IL7: variants seen among roughly 807,000 people sequenced by gnomAD.
The protein encoded by IL7 is interleukin-7.
IL7 carries 3 observed loss-of-function variants against 21.6 expected under a neutral mutation model. The ratio of observed to expected loss-of-function variants is 0.14; its 90% confidence interval spans 0.06 to 0.36. The LOEUF is 0.36. IL7 is among the 10% of genes least tolerant of loss of function. The pLI is 1.00. For synonymous variants in IL7, 62 were observed against 68.1 expected, an observed-to-expected ratio of 0.91 and a Z score of 0.44; for missense variants, 175 against 200.2, an observed-to-expected ratio of 0.87 and a Z score of 0.76.
chr8:78,772,824 C>T (rs1164760007), intron 2 of IL7, among the ~76,000 whole-genome samples: 1 of 151,988 alleles, frequency 6.6e-6, no homozygotes, highest in Non-Finnish European at 1.5e-5. Context: ...CAGTGAGTGT[C>T]GATGGTCATA....
intron 2 of IL7, chr8:78,746,918 G>A (rs1811997254): frequency 2.5e-6 from 1 of 392,830 alleles, no homozygotes; most frequent in Admixed American, 3.1e-5. Flanking sequence ...CTTTGTGATA[G>A]GACAGTTTTC....
intron 3 of IL7, among the ~76,000 whole-genome samples, chr8:78,725,969 T>G (rs957650129): frequency 4.6e-5 from 7 of 150,546 alleles, no homozygotes; most frequent in East Asian, 1.9e-4. Context: ...CAAAAATCTG[T>G]TTTTTTTTAA....
At chr8:78,752,091 G>C (rs963900992) in intron 2 of IL7, among the ~76,000 whole-genome samples, 2 of 152,170 alleles carry the variant, frequency 1.3e-5, no homozygotes, top group African/African-American at 4.8e-5. Context: ...GTTGCTGTGA[G>C]TGACAGGATT....
intron 2 of IL7, chr8:78,761,109 G>A: frequency 6.3e-7 from 1 of 1,593,834 alleles, no homozygotes; most frequent in Non-Finnish European, 8.5e-7. Flanking sequence ...GCTTGCAGGA[G>A]TTCCACTAAA....
At chr8:78,767,901 C>T (rs1204512595) in intron 2 of IL7, among the ~76,000 whole-genome samples, 1 of 152,070 alleles carries the variant, frequency 6.6e-6, no homozygotes, top group Non-Finnish European at 1.5e-5. Context: ...TGGTATATCT[C>T]CTAAAGCTAT....
At chr8:78,716,874 T>A (rs1811123839), downstream of IL7, among the ~76,000 whole-genome samples, 1 of 152,124 alleles carries the variant, frequency 6.6e-6, no homozygotes, top group African/African-American at 2.4e-5. Flanking sequence ...TTTAAAACTG[T>A]ATAGTACCTG....
chr8:78,687,814 AATATATATATTCATGTAATAAATT>A lies in IL7; in HGVS notation n.215-1891_215-1868del, dbSNP rs1563627068. Among the ~76,000 whole-genome samples, 4 of 132,348 alleles carry A rather than the reference AATATATATATTCATGTAATAAATT, an allele frequency of 3.0e-5. No individual in the cohort carries two copies. The East Asian group carries it at 8.3e-4, about 27-fold the overall frequency. The allele number at this position is 132,348 out of a possible 152,430, so 86.8% of individuals were successfully genotyped here. A position where few individuals can be genotyped will look rare whatever the true frequency, so the allele number is the denominator to read the frequency against. On this transcript the variant is annotated intron_variant and non_coding_transcript_variant, in intron 3 of 4. Coordinates refer to the IL7 transcript ENST00000523959. ...ATACATTATATATATTCATGTAATA[AATATATATATTCATGTAATAAATT>A]ATATATATATTTATATAATATATAT...
chr8:78,720,961 G>C (rs1329432994), intron 5 of IL7: 1 of 151,784 alleles, frequency 6.6e-6, no homozygotes, highest in East Asian at 1.9e-4. Context: ...TTAAATAGGA[G>C]CTAATAAGTG....
chr8:78,760,887 A>T, intron 2 of IL7: 1 of 1,560,098 alleles, frequency 6.4e-7, no homozygotes, highest in Non-Finnish European at 8.7e-7. Context: ...ACTGCAGTCA[A>T]GCTACCGGCT....
rs564621927 is a variant in IL7 at position 78,753,317 on chromosome 8, A to G, written c.148-13235T>C. ...ATATCTCTTTGTGGTTTTGATTTGCATTTCTCTAATGACCAGTGATGATGA... is the reference window on the plus strand; with the variant it reads ...ATATCTCTTTGTGGTTTTGATTTGCGTTTCTCTAATGACCAGTGATGATGA... On this transcript the variant is annotated intron_variant, in intron 2 of 5. Transcript: ENST00000263851. Among the ~76,000 whole-genome samples, 5 of 152,244 alleles carry G rather than the reference A, an allele frequency of 3.3e-5. No homozygotes were observed. In the East Asian group the frequency reaches 7.7e-4, roughly 24 times the overall value.
intron 5 of IL7, chr8:78,720,933 CAA>C (rs1365750139): frequency 1.3e-5 from 2 of 151,932 alleles, no homozygotes; most frequent in East Asian, 3.9e-4. Flanking sequence ...TTATCTAACA[CAA>C]AAGAGTGTCA....
downstream of IL7, among the ~76,000 whole-genome samples, chr8:78,713,717 A>G (rs1198969856): frequency 1.3e-5 from 2 of 152,188 alleles, no homozygotes; most frequent in East Asian, 1.9e-4. Context: ...ATGCAAAGCA[A>G]CCACTTTGAA....
intron 5 of IL7, among the ~76,000 whole-genome samples, chr8:78,734,557 C>A (rs1340316775): frequency 1.3e-5 from 2 of 152,152 alleles, no homozygotes; most frequent in Non-Finnish European, 2.9e-5. Context: ...TTTACCCCTT[C>A]CTAGACCAGG....
intron 3 of IL7, among the ~76,000 whole-genome samples, chr8:78,739,663 G>A (rs1811712534): frequency 6.7e-6 from 1 of 150,032 alleles, no homozygotes; most frequent in Non-Finnish European, 1.5e-5. Flanking sequence ...CTACACTCCA[G>A]CCTGGTGACA....
downstream of IL7, among the ~76,000 whole-genome samples, chr8:78,729,188 T>G (rs1476821048): frequency 2.0e-5 from 3 of 152,006 alleles, no homozygotes; most frequent in East Asian, 5.8e-4. Context: ...TCATCTAACC[T>G]AAAATACCAC....
At position 78,805,061 on chromosome 8, in the gene IL7, G is replaced by C; in HGVS notation, c.-139C>G. ...TTGGGCAGGGTGATCTCTGCAGCTG[G>C]TTCCTCTTACCCACGCCGCGACTGC... On this transcript the variant is annotated 5_prime_UTR_variant, in exon 1 of 6. Transcript: ENST00000263851. 1 of 875,706 alleles carries C rather than the reference G, an allele frequency of 1.1e-6. No individual in the cohort carries two copies. Among genetic ancestry groups the C allele is most frequent in the Middle Eastern group, 2.3e-4 (1 of 4,382 alleles). The allele number at this position is 875,706 out of a possible 1,614,324, so 54.2% of individuals were successfully genotyped here.
chr8:78,743,800 T>C (rs796701101), intron 2 of IL7, among the ~76,000 whole-genome samples: 134 of 152,266 alleles, frequency 8.8e-4, no homozygotes, highest in African/African-American at 3.1e-3. Flanking sequence ...GCCTACCTTT[T>C]TTTTTCCCCC....
downstream of IL7, among the ~76,000 whole-genome samples, chr8:78,729,019 G>A (rs1286199858): frequency 6.6e-6 from 1 of 151,968 alleles, no homozygotes; most frequent in Non-Finnish European, 1.5e-5. Flanking sequence ...ATCATGTACT[G>A]TAGCAGATGT....
intron 2 of IL7, among the ~76,000 whole-genome samples, chr8:78,793,661 G>C (rs1813766891): frequency 6.6e-6 from 1 of 152,064 alleles, no homozygotes; most frequent in South Asian, 2.1e-4. Context: ...AGGTTGGGTG[G>C]CTGTAGTAAT....
Sources: allele counts gnomAD v4.1 joint callset (sites outside exome capture counted in the v4.1 genomes callset), GRCh38; gene constraint gnomAD v4.1.1; transcripts MANE v1.5; gene names NCBI Gene and HGNC (gene_info 2026-07-23, HGNC 2026-07-21).